DCAF5: variants seen among roughly 807,000 people sequenced by gnomAD.
DCAF5 encodes the protein DDB1- and CUL4-associated factor 5.
Under a neutral mutation model 80.7 loss-of-function variants are expected in DCAF5, and 9 were observed. The ratio of observed to expected loss-of-function variants is 0.11; its 90% CI spans 0.07 to 0.19. DCAF5 has a LOEUF of 0.19. Ranked by LOEUF, DCAF5 falls within the 10% of genes least tolerant of loss-of-function variation. The pLI is 1.00. For synonymous variants in DCAF5, 433 were observed against 461.9 expected (o/e 0.94, Z 0.80); for missense variants, 842 against 1,205.7 (o/e 0.70, Z 4.47).
intron 5 of DCAF5, among the ~76,000 whole-genome samples, chr14:69,108,977 C>T (rs1419191509): frequency 6.6e-6 from 1 of 152,112 alleles, no homozygotes; most frequent in African/African-American, 2.4e-5. Context: ...CCACTGGAAT[C>T]GTAGGGAAGA....
rs562355110 is a variant in DCAF5 at position 69,143,553 on chromosome 14, CTTTTTT to C, written c.214+9206_214+9211del. On this transcript the variant is annotated intron_variant, in intron 1 of 8. Coordinates refer to ENST00000341516, the MANE Select transcript of DCAF5 (RefSeq NM_003861.3). Reference sequence around the variant, plus strand: ...TTAGCTATTTAAAAAATCTGTTAAACTTTTTTTTTTTTTTTTTTTTTTTTTACAAAC... The same window carrying C: ...TTAGCTATTTAAAAAATCTGTTAAACTTTTTTTTTTTTTTTTTTTACAAAC... 2.3e-4 allele frequency among the ~76,000 whole-genome samples: 23 copies of C among 102,174 alleles called. 1 individual carries two copies. The highest frequency in any genetic ancestry group is 1.5e-3 in the East Asian group (5 of 3,330). 67.0% of individuals were successfully genotyped at this position (102,174 alleles called of 152,430 possible). A position where few individuals can be genotyped will look rare whatever the true frequency, so the allele number is the denominator to read the frequency against.
intron 6 of DCAF5, among the ~76,000 whole-genome samples, chr14:69,078,885 G>A (rs551656231): frequency 5.7e-4 from 85 of 150,058 alleles, no homozygotes; most frequent in African/African-American, 1.9e-3. Flanking sequence ...TTTTTTTTTT[G>A]AGACAGAGTT....
At chr14:69,128,988 C>A (rs904788544) in intron 1 of DCAF5, among the ~76,000 whole-genome samples, 1 of 152,058 alleles carries the variant, frequency 6.6e-6, no homozygotes, top group South Asian at 2.1e-4. Flanking sequence ...AATATCTATA[C>A]CTTTGTGCCC....
At chr14:69,074,287 G>A (rs2139896598) in intron 7 of DCAF5, among the ~76,000 whole-genome samples, 1 of 152,232 alleles carries the variant, frequency 6.6e-6, no homozygotes, top group African/African-American at 2.4e-5. Context: ...GCTATATTGA[G>A]CTGTTTGAGT....
chr14:69,122,443 C>A, intron 1 of DCAF5, 83 bp from the exon 2 acceptor site: 1 of 1,489,450 alleles, frequency 6.7e-7, no homozygotes, highest in Non-Finnish European at 9.1e-7. Flanking sequence ...TGAATCCCAT[C>A]CTTTCCAAAA....
chr14:69,063,723 T>C (rs889638150), intron 7 of DCAF5, among the ~76,000 whole-genome samples: 2 of 152,228 alleles, frequency 1.3e-5, no homozygotes, highest in African/African-American at 4.8e-5. Flanking sequence ...GGGTATCTTC[T>C]GCTTTTGGCC....
chr14:69,142,753 T>C (rs1055064737), intron 1 of DCAF5, among the ~76,000 whole-genome samples: 3 of 152,222 alleles, frequency 2.0e-5, no homozygotes, highest in African/African-American at 7.2e-5. Flanking sequence ...TCCCCATGTA[T>C]AACTATATGA....
chr14:69,120,057 G>A (rs1427581765), intron 2 of DCAF5, among the ~76,000 whole-genome samples: 1 of 151,898 alleles, frequency 6.6e-6, no homozygotes, highest in Non-Finnish European at 1.5e-5. Context: ...TTTTGAGACA[G>A]GATCTTGCTC....
intron 1 of DCAF5, 50 bp from the exon 2 acceptor site, chr14:69,122,410 C>G: frequency 6.3e-7 from 1 of 1,575,992 alleles, no homozygotes; most frequent in Non-Finnish European, 8.7e-7. Context: ...CATCGCAAGG[C>G]TGACAGATGG....
chr14:69,087,204 T>C (rs1204801405), intron 6 of DCAF5, among the ~76,000 whole-genome samples: 1 of 152,198 alleles, frequency 6.6e-6, no homozygotes, highest in Non-Finnish European at 1.5e-5. Flanking sequence ...TATATGTGCA[T>C]GCCAGAAAAG....
chr14:69,103,236 A>G (rs535176870), intron 5 of DCAF5, among the ~76,000 whole-genome samples: 2 of 152,302 alleles, frequency 1.3e-5, no homozygotes, highest in East Asian at 3.9e-4. Context: ...AATGCCATAT[A>G]TTTTTCTACG....
At chr14:69,111,622 T>C (rs1277795858) in intron 5 of DCAF5, among the ~76,000 whole-genome samples, 1 of 152,140 alleles carries the variant, frequency 6.6e-6, no homozygotes, top group African/African-American at 2.4e-5. Context: ...GGGGAAACTT[T>C]TGCTTTTCCT....
intron 6 of DCAF5, among the ~76,000 whole-genome samples, chr14:69,079,229 A>C (rs1309550529): frequency 2.0e-5 from 3 of 152,220 alleles, no homozygotes; most frequent in Admixed American, 2.0e-4. Context: ...AGCCATGAGA[A>C]GGGAAAACAG....
chr14:69,146,572 G>GA (rs371646936), intron 1 of DCAF5, among the ~76,000 whole-genome samples: 16 of 150,594 alleles, frequency 1.1e-4, no homozygotes, highest in Admixed American at 4.6e-4. Context: ...CAAACCAGAG[G>GA]AAAAAAAAAT....
In DCAF5 at chr14:69,152,496, G is replaced by C. The variant is rs756972988; in HGVS notation, c.214+269C>G. ...CCCCCCTCCCCGACCTACACTTTCAGGGCAGGCATCAGGAGAGATCACTTT... is the reference window on the plus strand; with the variant it reads ...CCCCCCTCCCCGACCTACACTTTCACGGCAGGCATCAGGAGAGATCACTTT... On this transcript the variant is annotated intron_variant, in intron 1 of 8. Coordinates refer to ENST00000341516, the MANE Select transcript of DCAF5 (RefSeq NM_003861.3). The surrounding 1 kb of genome is among the most constrained non-coding windows in gnomAD (Gnocchi z 4.1). 4.2e-5 allele frequency: 16 copies of C among 380,546 alleles called. No homozygotes were observed. The highest frequency in any genetic ancestry group is 7.2e-5 in the Non-Finnish European group (15 of 208,686). 23.6% of individuals were successfully genotyped at this position (380,546 alleles called of 1,614,324 possible). A position where few individuals can be genotyped will look rare whatever the true frequency, so the allele number is the denominator to read the frequency against.
intron 8 of DCAF5, among the ~76,000 whole-genome samples, chr14:69,060,760 A>G (rs1257471987): frequency 6.6e-6 from 1 of 151,976 alleles, no homozygotes; most frequent in Non-Finnish European, 1.5e-5. Flanking sequence ...TCGAACACCT[A>G]ACCTCAGCTG....
chr14:69,106,107 G>A (rs1468553427), intron 5 of DCAF5, among the ~76,000 whole-genome samples: 1 of 151,110 alleles, frequency 6.6e-6, no homozygotes, highest in Non-Finnish European at 1.5e-5. Flanking sequence ...CCAGGATGGA[G>A]TGCAATGGTT....
chr14:69,082,061 G>C (rs1566738051), intron 6 of DCAF5, among the ~76,000 whole-genome samples: 1 of 152,122 alleles, frequency 6.6e-6, no homozygotes, highest in Non-Finnish European at 1.5e-5. Flanking sequence ...ATTTTCCCCT[G>C]ACCTTCTGTC....
chr14:69,129,089 T>C (rs1034464852), intron 1 of DCAF5, among the ~76,000 whole-genome samples: 4 of 152,252 alleles, frequency 2.6e-5, no homozygotes, highest in African/African-American at 9.6e-5. Flanking sequence ...TAGGATGATT[T>C]CATTTTGCCT....
Sources: gnomAD v4.1 joint callset for allele counts (sites outside exome capture counted in the v4.1 genomes callset) on GRCh38, gnomAD v4.1.1 for gene constraint, Gnocchi (gnomAD v3.1) non-coding constraint, MANE v1.5 for transcripts, NCBI Gene and HGNC (gene_info 2026-07-23, HGNC 2026-07-21) for gene names.